Variants in POLD3 observed in about 807,000 individuals in gnomAD.
POLD3 encodes DNA polymerase delta 3, accessory subunit, also known as DNA polymerase delta subunit 3.
POLD3 carries 19 observed loss-of-function variants against 58.2 expected under a neutral mutation model. The observed-to-expected ratio is 0.33, with a 90% CI of 0.23 to 0.48. POLD3 has a LOEUF of 0.48. Ranked by LOEUF, POLD3 falls within the 20% of genes least tolerant of loss-of-function variation. The pLI is 0.99. For missense variants in POLD3, 504 were observed against 545.5 expected (o/e 0.92, Z 0.76); for synonymous variants, 172 against 193.5 (o/e 0.89, Z 0.92).
intron 4 of POLD3, among the ~76,000 whole-genome samples, chr11:74,665,499 C>G (rs751507691): frequency 7.0e-6 from 1 of 142,096 alleles, no homozygotes; most frequent in Non-Finnish European, 1.5e-5. Flanking sequence ...CTCCCAGGTT[C>G]AAGCAAGTCT....
chr11:74,640,615 T>C lies in POLD3; in HGVS notation c.1250T>C (p.Leu417Pro). The change falls in exon 12 of 12, where the codon CTT (leucine) becomes CCT (proline). Residue 417 changes from leucine (L) to proline (P), a missense_variant. Coordinates refer to ENST00000263681, the MANE Select transcript of POLD3 (RefSeq NM_006591.3). The part of the protein sequence containing the change: ...SESCTDSEEE[L>P]NMKTSSVHRP... ...TCCTGCACAGATAGTGAAGAGGAGCTTAACATGAAGACATCCTCAGTACAC... is the reference window on the plus strand; with the variant it reads ...TCCTGCACAGATAGTGAAGAGGAGCCTAACATGAAGACATCCTCAGTACAC... 6.2e-7 allele frequency: 1 copy of C among 1,606,092 alleles called. No individual in the cohort carries two copies. The highest frequency in any genetic ancestry group is 2.2e-5 in the East Asian group (1 of 44,598).
At chr11:74,661,940 C>T (rs937058498) in intron 4 of POLD3, among the ~76,000 whole-genome samples, 3 of 152,176 alleles carry the variant, frequency 2.0e-5, no homozygotes, top group South Asian at 2.1e-4. Flanking sequence ...TTCCACAGGC[C>T]GAGGAGCCTC....
At chr11:74,622,694 A>C (rs12807398) in intron 7 of POLD3, among the ~76,000 whole-genome samples, 40,374 of 152,072 alleles carry the variant, frequency 0.27, 5,723 homozygotes, top group South Asian at 0.43. Context: ...GACAGTAACA[A>C]GTGTTGGCAA....
In POLD3 at chr11:74,604,681, C is replaced by T; in HGVS notation, c.117-11C>T. The T allele has an allele frequency of 6.7e-7, 1 of 1,489,926 alleles. No homozygotes were observed. Among genetic ancestry groups the T allele is most frequent in the South Asian group, 1.1e-5 (1 of 87,620 alleles). 92.3% of individuals were successfully genotyped at this position (1,489,926 alleles called of 1,614,324 possible). ...TGATGTCTTACTTGTGCCTTCTTTT[C>T]TTTGGAATAGGATGCTGTATGATTA... On this transcript the variant is annotated splice_polypyrimidine_tract_variant and intron_variant, in intron 2 of 11. Coordinates refer to ENST00000263681, the MANE Select transcript of POLD3 (RefSeq NM_006591.3).
At chr11:74,631,342 T>C (rs910134353) in intron 9 of POLD3, among the ~76,000 whole-genome samples, 2 of 152,138 alleles carry the variant, frequency 1.3e-5, no homozygotes, top group African/African-American at 4.8e-5. Context: ...ACTTGTTTAA[T>C]TCCTTGTTTT....
At chr11:74,618,082 T>C (rs538153794) in intron 5 of POLD3, among the ~76,000 whole-genome samples, 78 of 129,238 alleles carry the variant, frequency 6.0e-4, no homozygotes, top group African/African-American at 2.5e-3. Context: ...TAAAGCTTAG[T>C]TTTGATTCAG....
chr11:74,592,961 T>C (rs1351286593), intron 1 of POLD3: 8 of 1,370,864 alleles, frequency 5.8e-6, no homozygotes, highest in Non-Finnish European at 2.8e-6. Flanking sequence ...AGCCTGGGGC[T>C]GGAGCCGCGG....
chr11:74,640,658 T>A lies in POLD3; in HGVS notation c.1293T>A (p.Thr431=). Residue 431 remains threonine (T), a synonymous_variant, in exon 12 of 12, where the codon ACT becomes ACA. Transcript: ENST00000263681. ...CAGTACACAGACCCCCTGCCATGAC[T>A]GTGAAAAAAGAACCCAGAGAGGAAC... is the stretch of plus-strand genomic sequence containing the variant. ...TSSVHRPPAM[T]VKKEPREERK... The A allele has an allele frequency of 6.2e-7, 1 of 1,612,712 alleles. No homozygotes were observed. The highest frequency in any genetic ancestry group is 1.1e-5 in the South Asian group (1 of 90,758).
intron 7 of POLD3, among the ~76,000 whole-genome samples, chr11:74,620,852 G>A (rs1349441966): frequency 6.6e-6 from 1 of 152,022 alleles, no homozygotes; most frequent in African/African-American, 2.4e-5. Context: ...ACATGCCTAT[G>A]CAAGCAAAAT....
intron 4 of POLD3, among the ~76,000 whole-genome samples, chr11:74,650,367 C>T (rs1052331178): frequency 6.6e-6 from 1 of 152,194 alleles, no homozygotes; most frequent in African/African-American, 2.4e-5. Context: ...CTTTGTCCCA[C>T]CAGCACCCCT....
At chr11:74,604,410 GTT>G (rs2031605490) in intron 2 of POLD3, among the ~76,000 whole-genome samples, 1 of 152,104 alleles carries the variant, frequency 6.6e-6, no homozygotes, top group Non-Finnish European at 1.5e-5. Context: ...CATTGCCACT[GTT>G]TTAATGCAGG....
chr11:74,627,437 TTAAAG>T (rs144634909), intron 8 of POLD3, among the ~76,000 whole-genome samples: 4,365 of 152,192 alleles, frequency 0.029, 240 homozygotes, highest in African/African-American at 0.099. Flanking sequence ...GAAAATACAG[TTAAAG>T]TAAGCTGTTT....
chr11:74,594,888 A>G (rs1298955093), intron 2 of POLD3, among the ~76,000 whole-genome samples: 2 of 152,198 alleles, frequency 1.3e-5, no homozygotes, highest in Admixed American at 6.5e-5. Context: ...GCATGGGGGA[A>G]CTGCCCCCAT....
chr11:74,608,442 T>G (rs1038089852), intron 3 of POLD3, among the ~76,000 whole-genome samples: 4 of 152,242 alleles, frequency 2.6e-5, no homozygotes, highest in Admixed American at 2.6e-4. Context: ...TTAGCTGTAA[T>G]TTTTCTGTGA....
Position 74,625,422 on chromosome 11 carries a change from A to C in POLD3, c.748A>C (p.Asn250His). Residue 250 changes from asparagine to histidine, a missense_variant, in exon 8 of 12, where the codon AAT becomes CAT. Physicochemically the swap from Asn to His is moderately conservative, Grantham distance 68. This residue lies in a region of POLD3 where 385 missense variants were observed against 370.5 expected (regional missense o/e 1.04). Transcript: ENST00000263681. ...GKAAMNKFKVNLDSEQAVKEE... is the reference protein window; with the variant it reads ...GKAAMNKFKVHLDSEQAVKEE... ...TTTATTTATAGATAAATTTAAAGTCAATTTGGACTCAGAACAAGCAGTGAA... is the reference window on the plus strand; with the variant it reads ...TTTATTTATAGATAAATTTAAAGTCCATTTGGACTCAGAACAAGCAGTGAA... The C allele has an allele frequency of 6.2e-7, 1 of 1,607,348 alleles. No homozygotes were observed. Among genetic ancestry groups the C allele is most frequent in the East Asian group, 2.2e-5 (1 of 44,866 alleles).
downstream of POLD3, among the ~76,000 whole-genome samples, chr11:74,643,796 G>C (rs2032966025): frequency 6.6e-6 from 1 of 152,234 alleles, no homozygotes; most frequent in Non-Finnish European, 1.5e-5. Context: ...AAGAGTGACA[G>C]CCAGTATTTA....
intron 4 of POLD3, among the ~76,000 whole-genome samples, chr11:74,650,797 C>T (rs1215976029): frequency 6.6e-6 from 1 of 152,240 alleles, no homozygotes; most frequent in Non-Finnish European, 1.5e-5. Context: ...AGAGGCTGGG[C>T]TGGCTAGTGC....
chr11:74,597,293 C>G (rs1326756639), intron 2 of POLD3, among the ~76,000 whole-genome samples: 1 of 152,170 alleles, frequency 6.6e-6, no homozygotes, highest in East Asian at 1.9e-4. Context: ...GACATAATAT[C>G]TAAGAAGGCT....
chr11:74,647,516 C>CT (rs1246078534), downstream of POLD3, among the ~76,000 whole-genome samples: 1 of 152,164 alleles, frequency 6.6e-6, no homozygotes, highest in East Asian at 1.9e-4. Context: ...GGTCTTGAGA[C>CT]TTTGTGTCTT....
Sources: allele counts gnomAD v4.1 joint callset (sites outside exome capture counted in the v4.1 genomes callset), GRCh38; gene constraint gnomAD v4.1.1; regional missense constraint gnomAD v4.1.1; transcripts MANE v1.5; gene names NCBI Gene and HGNC (gene_info 2026-07-23, HGNC 2026-07-21).